The following CHD9 variants were observed in gnomAD, a reference collection of about 807,000 sequenced individuals.
CHD9 encodes ATP-dependent chromatin remodeler CHD9.
CHD9 carries 77 observed loss-of-function variants against 316.1 expected under a neutral mutation model. That is an observed-to-expected ratio of 0.24 (90% CI 0.20 to 0.29). The LOEUF (loss-of-function observed/expected upper bound fraction) is 0.29, where lower values mean the gene tolerates loss of function less well. CHD9 is among the 10% of genes least tolerant of loss of function. The pLI, the probability that CHD9 is intolerant of heterozygous loss-of-function variation, is 1.00. For missense variants in CHD9, 2,763 were observed against 3,438.1 expected (o/e 0.80, Z 4.91); for synonymous variants, 1,129 against 1,158.3 (o/e 0.97, Z 0.51).
chr16:53,255,524 G>A lies in CHD9; in HGVS notation c.4030-76G>A. The A allele has an allele frequency of 3.7e-6, 5 of 1,338,948 alleles. No homozygotes were observed. In the South Asian group the frequency reaches 6.9e-5, roughly 19 times the overall value. 82.9% of individuals were successfully genotyped at this position (1,338,948 alleles called of 1,614,324 possible). ...TTTAAGCATGCCTCTTGTGTTCTTT[G>A]ACATCCTTTAGGGATACTTTCTCAC... On this transcript the variant is annotated intron_variant, in intron 18 of 38. Coordinates refer to ENST00000447540, the MANE Select transcript of CHD9 (RefSeq NM_001308319.2).
intron 1 of CHD9, among the ~76,000 whole-genome samples, chr16:53,138,788 A>G (rs1231560999): frequency 6.6e-6 from 1 of 152,246 alleles, no homozygotes; most frequent in Non-Finnish European, 1.5e-5. Flanking sequence ...GACAAACTAC[A>G]GAGTACAAGA....
intron 20 of CHD9, among the ~76,000 whole-genome samples, chr16:53,266,483 C>G (rs764704111): frequency 2.6e-5 from 4 of 152,162 alleles, no homozygotes; most frequent in Non-Finnish European, 5.9e-5. Flanking sequence ...CCCTCACTGC[C>G]TGGCAAACTA....
intron 1 of CHD9, among the ~76,000 whole-genome samples, chr16:53,155,381 G>A (rs924579302): frequency 2.0e-5 from 3 of 151,748 alleles, no homozygotes; most frequent in Non-Finnish European, 4.4e-5. Flanking sequence ...CACCACCATG[G>A]CCGAGTAGTT....
In CHD9 at chr16:53,267,482, A is replaced by G. The variant is rs1171816914; in HGVS notation, c.4509A>G (p.Leu1503=). ...TECFRVEKNL[L]VYGWGRWREI... Reference sequence around the variant, plus strand: ...GCTTTAGAGTTGAGAAAAACCTGCTAGTTTATGGGTAAAACATTGTTTTTA... The same window carrying G: ...GCTTTAGAGTTGAGAAAAACCTGCTGGTTTATGGGTAAAACATTGTTTTTA... Residue 1503 remains leucine (L), a synonymous_variant, in exon 21 of 39, where the codon CTA becomes CTG. Coordinates refer to ENST00000447540, the MANE Select transcript of CHD9 (RefSeq NM_001308319.2). 1 of 1,590,194 alleles carries G rather than the reference A, an allele frequency of 6.3e-7. No homozygotes were observed. The highest frequency in any genetic ancestry group is 8.6e-7 in the Non-Finnish European group (1 of 1,168,704).
At chr16:53,096,575 G>A (rs1024668365) in intron 1 of CHD9, among the ~76,000 whole-genome samples, 1 of 152,166 alleles carries the variant, frequency 6.6e-6, no homozygotes, top group Non-Finnish European at 1.5e-5. Context: ...CACACAAGTA[G>A]TAAATGATAG....
chr16:53,090,786 G>A (rs966495140), intron 1 of CHD9, among the ~76,000 whole-genome samples: 1 of 152,158 alleles, frequency 6.6e-6, no homozygotes, highest in Non-Finnish European at 1.5e-5. Context: ...TGGGGGCAGG[G>A]GGGTGGCAGA....
At chr16:53,125,755 T>C (rs1009389951) in intron 1 of CHD9, among the ~76,000 whole-genome samples, 1 of 152,224 alleles carries the variant, frequency 6.6e-6, no homozygotes, top group Admixed American at 6.5e-5. Flanking sequence ...AACTGTAGGC[T>C]ACAGTCAATG....
rs142594630 is a variant in CHD9 at position 53,292,415 on chromosome 16, T to C, written c.5291-418T>C. On this transcript the variant is annotated intron_variant, in intron 28 of 38. Transcript: ENST00000447540. ...ATTGTCATCTTGAACTTCGAAAATG[T>C]TTCTTCCCAGTGACTTAAAATATTT... Among the ~76,000 whole-genome samples, 531 of 152,326 alleles carry C rather than the reference T, an allele frequency of 3.5e-3. 1 individual carries two copies. The highest frequency in any genetic ancestry group is 6.0e-3 in the Non-Finnish European group (409 of 68,030).
intron 27 of CHD9, 43 bp from the exon 28 acceptor site, chr16:53,291,682 T>C: frequency 1.5e-6 from 2 of 1,363,266 alleles, no homozygotes; most frequent in Non-Finnish European, 2.0e-6. Context: ...ATATATCTCT[T>C]GACCCAATTA....
At chr16:53,099,138 GCCAGGAGGAA>G (rs1390090939) in intron 1 of CHD9, 1 of 152,442 alleles carries the variant, frequency 6.6e-6, no homozygotes, top group African/African-American at 2.4e-5. Flanking sequence ...TCCCTGCTTG[GCCAGGAGGAA>G]CCTGCAGCTG....
chr16:53,107,741 T>G (rs1342440184), intron 1 of CHD9, among the ~76,000 whole-genome samples: 1 of 152,098 alleles, frequency 6.6e-6, no homozygotes, highest in Non-Finnish European at 1.5e-5. Flanking sequence ...AGCATGGGCA[T>G]GACAAGTTCA....
At chr16:53,165,617 A>G (rs1032066868) in intron 2 of CHD9, among the ~76,000 whole-genome samples, 5 of 152,140 alleles carry the variant, frequency 3.3e-5, no homozygotes, top group Non-Finnish European at 5.9e-5. Flanking sequence ...ATTCGATTGA[A>G]ATACATTAGA....
At chr16:53,202,308 C>T (rs2045526274) in intron 2 of CHD9, among the ~76,000 whole-genome samples, 1 of 152,044 alleles carries the variant, frequency 6.6e-6, no homozygotes, top group African/African-American at 2.4e-5. Flanking sequence ...CTGGTTCAGG[C>T]CAATATCTAA....
In CHD9 at chr16:53,324,266, G is replaced by T; in HGVS notation, c.8065G>T (p.Ala2689Ser). 1 of 1,613,948 alleles carries T rather than the reference G, an allele frequency of 6.2e-7. No homozygotes were observed. Residue 2689 changes from alanine (A) to serine (S), a missense_variant, in exon 39 of 39, where the codon GCT (alanine) becomes TCT (serine). This residue lies in a region of CHD9 where 298 missense variants were observed against 380.2 expected (regional missense o/e 0.78). Coordinates refer to ENST00000447540, the MANE Select transcript of CHD9 (RefSeq NM_001308319.2). Reference protein sequence around the residue: ...LQNLQSLQVTAGLMGMPTGLP... With the variant: ...LQNLQSLQVTSGLMGMPTGLP... The stretch of plus-strand genomic sequence containing the variant: ...AAACTTGCAGTCACTGCAAGTAACT[G>T]CTGGGTTGATGGGAATGCCTACCGG...
At chr16:53,165,172 A>T (rs1461250835) in intron 2 of CHD9, among the ~76,000 whole-genome samples, 1 of 152,236 alleles carries the variant, frequency 6.6e-6, no homozygotes, top group Non-Finnish European at 1.5e-5. Flanking sequence ...TAGCTTAGAT[A>T]TGTCACAGAA....
chr16:53,130,364 C>T (rs898998835), intron 1 of CHD9, among the ~76,000 whole-genome samples: 1 of 152,136 alleles, frequency 6.6e-6, no homozygotes, highest in Non-Finnish European at 1.5e-5. Flanking sequence ...CCTTCCTCGG[C>T]GGACCCGAGC....
intron 3 of CHD9, among the ~76,000 whole-genome samples, chr16:53,221,362 T>C (rs908614969): frequency 6.6e-6 from 1 of 152,220 alleles, no homozygotes; most frequent in Non-Finnish European, 1.5e-5. Context: ...TCAAAGTGCA[T>C]GCTCTTAACC....
At chr16:53,266,869 T>G (rs2051747713) in intron 20 of CHD9, among the ~76,000 whole-genome samples, 1 of 152,200 alleles carries the variant, frequency 6.6e-6, no homozygotes, top group African/African-American at 2.4e-5. Flanking sequence ...AGTATTTCCA[T>G]TTCTGGATAC....
chr16:53,181,854 C>T (rs545075317), intron 2 of CHD9, among the ~76,000 whole-genome samples: 2 of 152,060 alleles, frequency 1.3e-5, no homozygotes, highest in African/African-American at 2.4e-5. Context: ...CCGAGCTGGG[C>T]GAATCACCTA....
Sources: allele counts gnomAD v4.1 joint callset (sites outside exome capture counted in the v4.1 genomes callset), GRCh38; gene constraint gnomAD v4.1.1; regional missense constraint gnomAD v4.1.1; transcripts MANE v1.5; gene names NCBI Gene and HGNC (gene_info 2026-07-23, HGNC 2026-07-21).